The following CAPN15 variants were observed in gnomAD, a reference collection of about 807,000 sequenced individuals.
CAPN15 encodes the protein calpain 15.
A neutral mutation model predicts 97.9 loss-of-function variants in CAPN15; 53 were observed. The observed-to-expected ratio is 0.54, with a 90% CI of 0.43 to 0.68. CAPN15 has a LOEUF of 0.68. CAPN15 is among the 30% of genes least tolerant of loss of function. The probability of loss-of-function intolerance (pLI) is 0.00; values close to 1 mark genes in which losing one functional copy is unlikely to be tolerated. For missense variants in CAPN15, 1,592 were observed against 1,589.8 expected (o/e 1.00, Z -0.02); for synonymous variants, 922 against 722.5 (o/e 1.28, Z -4.43).
chr16:551,888 A>G, intron 9 of CAPN15, 163 bp from the exon 10 acceptor site: 1 of 966,712 alleles, frequency 1.0e-6, no homozygotes, highest in Non-Finnish European at 1.6e-6. Context: ...AGGGCTTCCT[A>G]TTATAGGCCT....
At position 547,190 on chromosome 16, in the gene CAPN15, C is replaced by A; in HGVS notation, c.352C>A (p.Pro118Thr). 1 of 1,532,964 alleles carries A rather than the reference C, an allele frequency of 6.5e-7. No homozygotes were observed. Among genetic ancestry groups the A allele is most frequent in the South Asian group, 1.2e-5 (1 of 80,850 alleles). The allele number at this position is 1,532,964 out of a possible 1,614,324, so 95.0% of individuals were successfully genotyped here. A position where few individuals can be genotyped will look rare whatever the true frequency, so the allele number is the denominator to read the frequency against. ...GACTGCGGGGCTGGTGGCCACGGAG[C>A]CCGCCAGGGGGCAGTGCGAGGACAA... is the stretch of plus-strand genomic sequence containing the variant. ...VRTAGLVATE[P>T]ARGQCEDKDE... The change falls in exon 4 of 14, where the codon CCC becomes ACC. Residue 118 changes from proline (P) to threonine (T), a missense_variant. Transcript: ENST00000219611.
intron 7 of CAPN15, 26 bp from the exon 8 acceptor site, chr16:551,276 T>C: frequency 6.4e-7 from 1 of 1,554,598 alleles, no homozygotes. Context: ...AGGGTCCCGG[T>C]CGGTGAGGGC....
chr16:549,275 A>C lies in CAPN15; in HGVS notation c.1659-13A>C. 1.3e-6 allele frequency: 2 copies of C among 1,575,822 alleles called. No homozygotes were observed. Among genetic ancestry groups the C allele is most frequent in the Non-Finnish European group, 1.7e-6 (2 of 1,167,796 alleles). The stretch of plus-strand genomic sequence containing the variant: ...CCGCGGTCCCCGCGAGGTCACCCTG[A>C]GGCTCTGCGCAGGTTCCTGAGCGCC... On this transcript the variant is annotated splice_polypyrimidine_tract_variant and intron_variant, in intron 5 of 13. Transcript: ENST00000219611.
In CAPN15 at chr16:554,292, C is replaced by T. The variant is rs2035299369; in HGVS notation, c.*776C>T. 2.8e-6 allele frequency: 1 copy of T among 351,416 alleles called. No individual in the cohort carries two copies. The highest frequency in any genetic ancestry group is 2.2e-5 in the South Asian group (1 of 46,038). 21.8% of individuals were successfully genotyped at this position (351,416 alleles called of 1,614,324 possible). A position where few individuals can be genotyped will look rare whatever the true frequency, so the allele number is the denominator to read the frequency against. On this transcript the variant is annotated 3_prime_UTR_variant, in exon 14 of 14. Coordinates refer to ENST00000219611, the MANE Select transcript of CAPN15 (RefSeq NM_005632.3). ...CGTGGGCACGGGCAGGGCTCAGCCG[C>T]TCCCACCTCCCCACAGAAGCCCAGG...
At chr16:545,341 G>GCTGACCC (rs1246211210) in intron 3 of CAPN15, among the ~76,000 whole-genome samples, 5 of 152,050 alleles carry the variant, frequency 3.3e-5, no homozygotes, top group South Asian at 4.2e-4. Context: ...GTCTCCCACC[G>GCTGACCC]CTGACCCCTG....
chr16:536,229 T>A (rs2033708757), intron 3 of CAPN15, 87 bp downstream of exon 3: 1 of 277,184 alleles, frequency 3.6e-6, no homozygotes, highest in Non-Finnish European at 5.5e-6. Context: ...ATAACCCCCC[T>A]GCCGAGGTCT....
chr16:540,677 G>A (rs1001965864), intron 3 of CAPN15, among the ~76,000 whole-genome samples: 1 of 152,212 alleles, frequency 6.6e-6, no homozygotes, highest in Non-Finnish European at 1.5e-5. Flanking sequence ...GGTCGCTGGC[G>A]GCTGCAGGCT....
intron 1 of CAPN15, among the ~76,000 whole-genome samples, chr16:533,455 T>C (rs1276363829): frequency 6.6e-6 from 1 of 151,858 alleles, no homozygotes; most frequent in East Asian, 1.9e-4. Context: ...CGGGCTGGGG[T>C]CCGGGGGAGT....
At position 553,421 on chromosome 16, in the gene CAPN15, C is replaced by T. The variant is rs759267410; in HGVS notation, c.3166C>T (p.Gln1056Ter). The change falls in exon 14 of 14, where the codon CAG (glutamine) becomes TAG (stop). Residue 1056 changes from glutamine (Q) to a stop codon, truncating the protein, a stop_gained. Coordinates refer to ENST00000219611, the MANE Select transcript of CAPN15 (RefSeq NM_005632.3). LOFTEE classifies it high-confidence loss of function. ...CCGCCTGGCACATCGCAAGGCAGCC[C>T]AGGCCTTCCTCAGTGACTGGACAGC... Reference protein sequence around the residue: ...THRLAHRKAAQAFLSDWTASK... With the variant: ...THRLAHRKAA 6.2e-7 allele frequency: 1 copy of T among 1,611,400 alleles called. No homozygotes were observed. The highest frequency in any genetic ancestry group is 8.5e-7 in the Non-Finnish European group (1 of 1,179,414).
At position 545,944 on chromosome 16, in the gene CAPN15, G is replaced by A. The variant is rs563647737; in HGVS notation, c.-22-873G>A. 2.0e-5 allele frequency among the ~76,000 whole-genome samples: 3 copies of A among 152,370 alleles called. No individual in the cohort carries two copies. The South Asian group carries it at 6.2e-4, about 32-fold the overall frequency. On this transcript the variant is annotated intron_variant, in intron 3 of 13. Transcript: ENST00000219611. ...CACAGCTGCATCCATGCCCTTCTCCGAGTGGTGATGGCGGGGAGAGGCCTG... is the reference window on the plus strand; with the variant it reads ...CACAGCTGCATCCATGCCCTTCTCCAAGTGGTGATGGCGGGGAGAGGCCTG...
intron 1 of CAPN15, chr16:528,825 G>C (rs764915539): frequency 5.4e-6 from 5 of 922,066 alleles, no homozygotes; most frequent in Non-Finnish European, 6.5e-6. Context: ...CTGAAGAGTT[G>C]TGTGCTTCTC....
chr16:554,188 C>T lies in CAPN15; in HGVS notation c.*672C>T, dbSNP rs911651996. 2.7e-5 allele frequency: 8 copies of T among 296,128 alleles called. No homozygotes were observed. The highest frequency in any genetic ancestry group is 6.5e-5 in the African/African-American group (3 of 45,978). 18.3% of individuals were successfully genotyped at this position (296,128 alleles called of 1,614,324 possible). A position where few individuals can be genotyped will look rare whatever the true frequency, so the allele number is the denominator to read the frequency against. On this transcript the variant is annotated 3_prime_UTR_variant, in exon 14 of 14. Transcript: ENST00000219611. ...AGTTCTCAGCACCGCTCACTGCTGC[C>T]GGGCACACTGGGACCAGCAGGCTCC...
rs1251852272 is a variant in CAPN15, at chr16:547,475, C to A, written c.637C>A (p.Pro213Thr). 2 of 1,596,088 alleles carry A rather than the reference C, an allele frequency of 1.3e-6. No individual in the cohort carries two copies. Among genetic ancestry groups the A allele is most frequent in the East Asian group, 2.2e-5 (1 of 44,758 alleles). Residue 213 changes from proline to threonine, a missense_variant, in exon 4 of 14, where the codon CCC becomes ACC. Pro to Thr is a conservative substitution (Grantham distance 38). Transcript: ENST00000219611. ...GLPGEGAEANPPATSQGPAAE... is the reference protein window; with the variant it reads ...GLPGEGAEANTPATSQGPAAE... ...CCCCGGGGAAGGTGCCGAGGCCAAC[C>A]CCCCAGCCACCAGCCAGGGCCCAGC...
chr16:539,958 G>GAGAT, intron 3 of CAPN15: 1 of 518,814 alleles, frequency 1.9e-6, no homozygotes, highest in Non-Finnish European at 2.5e-6. Context: ...GCCCTGCACT[G>GAGAT]AGATGTCCCC....
In CAPN15 at chr16:552,518, CCTG is replaced by C; in HGVS notation, c.2727_2729del (p.Ala910del). On this transcript the variant is annotated inframe_deletion, in exon 11 of 14. Transcript: ENST00000219611. The surrounding 1 kb of genome is among the most constrained non-coding windows in gnomAD (Gnocchi z 6.4). Reference sequence around the variant, plus strand: ...CTGGGGGCCGCCCCTGCCGGGCACCCCTGCCCCCCAGGGTACGTGGCCCCTACC... The same window carrying C: ...CTGGGGGCCGCCCCTGCCGGGCACCCCCCCCCAGGGTACGTGGCCCCTACC... 1 of 1,602,348 alleles carries C rather than the reference CCTG, an allele frequency of 6.2e-7. No homozygotes were observed. The highest frequency in any genetic ancestry group is 8.5e-7 in the Non-Finnish European group (1 of 1,178,064).
At position 546,961 on chromosome 16, in the gene CAPN15, C is replaced by G. The variant is rs2034629317; in HGVS notation, c.123C>G (p.Leu41=). ...CCGACCTCAACCACATCCTGCGGCT[C>G]AGCGTGGAGGAGCAGAAATGGCCCT... ...HKPDLNHILR[L]SVEEQKWPCA... Residue 41 remains leucine (L), a synonymous_variant, in exon 4 of 14, where the codon CTC becomes CTG. Transcript: ENST00000219611. 1 of 1,610,378 alleles carries G rather than the reference C, an allele frequency of 6.2e-7. No homozygotes were observed. The highest frequency in any genetic ancestry group is 8.5e-7 in the Non-Finnish European group (1 of 1,179,902).
At chr16:543,784 C>T (rs951733542) in intron 3 of CAPN15, among the ~76,000 whole-genome samples, 1 of 152,154 alleles carries the variant, frequency 6.6e-6, no homozygotes, top group Non-Finnish European at 1.5e-5. Context: ...CGGAGGGCGC[C>T]GGGACTGGGG....
intron 1 of CAPN15, among the ~76,000 whole-genome samples, chr16:531,782 C>G (rs1371148529): frequency 1.3e-5 from 2 of 152,072 alleles, no homozygotes; most frequent in Non-Finnish European, 2.9e-5. Context: ...GTCCCCTTCT[C>G]TGGGGTGACA....
chr16:550,223 C>T (rs977237391), intron 7 of CAPN15, among the ~76,000 whole-genome samples: 1 of 152,224 alleles, frequency 6.6e-6, no homozygotes, highest in Non-Finnish European at 1.5e-5. Flanking sequence ...GTGCCTCGAC[C>T]CCCAGGGGCC....
Sources: gnomAD v4.1 joint callset for allele counts (sites outside exome capture counted in the v4.1 genomes callset) on GRCh38, gnomAD v4.1.1 for gene constraint, Gnocchi (gnomAD v3.1) non-coding constraint, MANE v1.5 for transcripts, NCBI Gene and HGNC (gene_info 2026-07-23, HGNC 2026-07-21) for gene names.